The following FSD2 variants were observed in gnomAD, a reference collection of about 807,000 sequenced individuals.
The protein encoded by FSD2 is fibronectin type III and SPRY domain-containing protein 2.
Under a neutral mutation model 80.4 loss-of-function variants are expected in FSD2, and 71 were observed. The ratio of observed to expected loss-of-function variants is 0.88; its 90% CI spans 0.73 to 1.08. FSD2 has a LOEUF of 1.08. Ranked by LOEUF, FSD2 falls within the 50% of genes least tolerant of loss-of-function variation. The pLI, the probability that FSD2 is intolerant of heterozygous loss-of-function variation, is 0.00. For missense variants in FSD2, 923 were observed against 913.8 expected, an observed-to-expected ratio of 1.01 and a Z score of -0.13; for synonymous variants, 361 against 329.5, an observed-to-expected ratio of 1.10 and a Z score of -1.03.
At chr15:82,805,276 G>A (rs2050503348) in intron 1 of FSD2, among the ~76,000 whole-genome samples, 1 of 151,242 alleles carries the variant, frequency 6.6e-6, no homozygotes, top group Non-Finnish European at 1.5e-5. Flanking sequence ...CATATCTACT[G>A]AATCTACTGA....
In FSD2 at chr15:82,765,328, G is replaced by A. The variant is rs749241794; in HGVS notation, c.1688-30C>T. 12 of 1,611,940 alleles carry A rather than the reference G, an allele frequency of 7.4e-6. No homozygotes were observed. In the Admixed American group the frequency reaches 1.0e-4, roughly 13 times the overall value. On this transcript the variant is annotated intron_variant, in intron 10 of 12. Transcript: ENST00000334574. ...GGGAGGAGGAACACACAGAAGACCC[G>A]CAGCCAATCACTTGCTTTCTCCATG... is the stretch of plus-strand genomic sequence containing the variant.
chr15:82,775,523 A>G (rs2049695788), intron 6 of FSD2, among the ~76,000 whole-genome samples: 1 of 152,050 alleles, frequency 6.6e-6, no homozygotes, highest in African/African-American at 2.4e-5. Flanking sequence ...ACTACGTTGA[A>G]TTGGAGTGTT....
At chr15:82,782,097 AT>A (rs1488083965) in intron 4 of FSD2, among the ~76,000 whole-genome samples, 27 of 140,256 alleles carry the variant, frequency 1.9e-4, no homozygotes, top group African/African-American at 5.6e-4. Flanking sequence ...AATAATAATA[AT>A]AATAATAAAA....
intron 6 of FSD2, among the ~76,000 whole-genome samples, chr15:82,777,335 A>G (rs1405783745): frequency 6.6e-6 from 1 of 152,226 alleles, no homozygotes; most frequent in Non-Finnish European, 1.5e-5. Context: ...ATAAGAGACT[A>G]GTATACAAAA....
chr15:82,801,978 C>T (rs2050424127), intron 1 of FSD2, among the ~76,000 whole-genome samples: 1 of 152,142 alleles, frequency 6.6e-6, no homozygotes, highest in Non-Finnish European at 1.5e-5. Flanking sequence ...TTCCAGGCAC[C>T]AGGGCCAGTG....
chr15:82,787,412 A>T lies in FSD2; in HGVS notation c.-22T>A, dbSNP rs753894000. ...CCATTGTAACTCTGGAAGTCCTCAG[A>T]AGCACCTTTATATAAGAAAGATCCT... On this transcript the variant is annotated 5_prime_UTR_variant, in exon 2 of 13. Transcript: ENST00000334574. 1 of 1,569,050 alleles carries T rather than the reference A, an allele frequency of 6.4e-7. No homozygotes were observed. The highest frequency in any genetic ancestry group is 1.4e-5 in the African/African-American group (1 of 73,484).
chr15:82,791,085 G>A (rs970826161), intron 1 of FSD2, among the ~76,000 whole-genome samples: 4 of 150,902 alleles, frequency 2.7e-5, no homozygotes, highest in Non-Finnish European at 5.9e-5. Flanking sequence ...TGCAAGCTCC[G>A]CCTCCCGAGT....
At chr15:82,765,549 G>A (rs2049396282) in intron 10 of FSD2, among the ~76,000 whole-genome samples, 1 of 152,140 alleles carries the variant, frequency 6.6e-6, no homozygotes, top group East Asian at 1.9e-4. Context: ...AGGAAACAGA[G>A]GCACAAGGTG....
At position 82,756,171 on chromosome 15, in the gene FSD2, CT is replaced by C; in HGVS notation, c.*3176del. On this transcript the variant is annotated 3_prime_UTR_variant, in exon 13 of 13. Coordinates refer to ENST00000334574, the MANE Select transcript of FSD2 (RefSeq NM_001007122.4). ...ATAGTGAACATGTGAGAATCTTGCT[CT>C]ACTAATTGATAGGAAGGTGACTAGA... is the stretch of plus-strand genomic sequence containing the variant. The C allele has an allele frequency of 3.3e-6, 1 of 305,562 alleles. No homozygotes were observed. Among genetic ancestry groups the C allele is most frequent in the South Asian group, 3.2e-5 (1 of 30,988 alleles). The allele number at this position is 305,562 out of a possible 1,614,324, so 18.9% of individuals were successfully genotyped here. A position where few individuals can be genotyped will look rare whatever the true frequency, so the allele number is the denominator to read the frequency against.
At chr15:82,787,558 T>A (rs2050033084) in intron 1 of FSD2, 90 bp from the exon 2 acceptor site, 1 of 583,212 alleles carries the variant, frequency 1.7e-6, no homozygotes, top group Non-Finnish European at 2.8e-6. Flanking sequence ...TATAAAACTT[T>A]AAAAAAATTA....
Position 82,759,241 on chromosome 15 carries a change from A to T in FSD2, c.*107T>A. ...CAGTCAGATAATAGCATGAGCCATAAATTGTGCTGGGCACATGGTGCTTAA... is the reference window on the plus strand; with the variant it reads ...CAGTCAGATAATAGCATGAGCCATATATTGTGCTGGGCACATGGTGCTTAA... On this transcript the variant is annotated 3_prime_UTR_variant, in exon 13 of 13. Transcript: ENST00000334574. 8.2e-7 allele frequency: 1 copy of T among 1,223,284 alleles called. No individual in the cohort carries two copies. The highest frequency in any genetic ancestry group is 1.1e-6 in the Non-Finnish European group (1 of 891,134). The allele number at this position is 1,223,284 out of a possible 1,614,324, so 75.8% of individuals were successfully genotyped here.
chr15:82,760,302 C>G (rs1352430994), intron 12 of FSD2, among the ~76,000 whole-genome samples: 2 of 152,180 alleles, frequency 1.3e-5, no homozygotes, highest in Admixed American at 6.5e-5. Context: ...CACAGTTACT[C>G]CAGTTCTTAA....
chr15:82,762,247 C>A lies in FSD2; in HGVS notation c.1852G>T (p.Val618Phe), dbSNP rs1238989461. 6.2e-7 allele frequency: 1 copy of A among 1,613,928 alleles called. No individual in the cohort carries two copies. Among genetic ancestry groups the A allele is most frequent in the Admixed American group, 1.7e-5 (1 of 59,994 alleles). The change falls in exon 12 of 13, where the codon GTC becomes TTC. Residue 618 changes from valine to phenylalanine, a missense_variant. Val to Phe is a conservative substitution (Grantham distance 50). Transcript: ENST00000334574. ...CVAVMGNLIP[V>F]RGHHYWEVEV... is the part of the protein sequence containing the mutation. ...ACCTCCCAGTAATGGTGCCCTCGGACTGGAATTAGATTTCCCATGACAGCA... is the reference window on the plus strand; with the variant it reads ...ACCTCCCAGTAATGGTGCCCTCGGAATGGAATTAGATTTCCCATGACAGCA...
intron 5 of FSD2, among the ~76,000 whole-genome samples, chr15:82,779,686 T>G (rs573342717): frequency 4.6e-5 from 7 of 152,064 alleles, no homozygotes; most frequent in African/African-American, 1.7e-4. Context: ...AAAAAGAATT[T>G]GAAACCAGTT....
intron 1 of FSD2, among the ~76,000 whole-genome samples, chr15:82,797,035 A>C (rs996078055): frequency 3.5e-5 from 5 of 143,060 alleles, no homozygotes; most frequent in Admixed American, 7.1e-5. Flanking sequence ...AAAAAAAAAA[A>C]AAAAAACACC....
At chr15:82,797,493 A>T (rs899781594) in intron 1 of FSD2, among the ~76,000 whole-genome samples, 11 of 152,226 alleles carry the variant, frequency 7.2e-5, no homozygotes, top group African/African-American at 2.4e-4. Flanking sequence ...TCATTAAGAG[A>T]TGCATTTCCA....
intron 1 of FSD2, among the ~76,000 whole-genome samples, chr15:82,800,586 G>A (rs1241520510): frequency 6.6e-6 from 1 of 150,852 alleles, no homozygotes; most frequent in Non-Finnish European, 1.5e-5. Context: ...CAGCTACTCG[G>A]GAGGCTGAGG....
At chr15:82,801,981 G>C (rs2050424251) in intron 1 of FSD2, among the ~76,000 whole-genome samples, 1 of 152,074 alleles carries the variant, frequency 6.6e-6, no homozygotes, top group African/African-American at 2.4e-5. Flanking sequence ...CAGGCACCAG[G>C]GCCAGTGTTT....
chr15:82,771,516 G>T (rs1164784467), intron 7 of FSD2, among the ~76,000 whole-genome samples: 1 of 152,182 alleles, frequency 6.6e-6, no homozygotes, highest in Non-Finnish European at 1.5e-5. Context: ...TCCCATTTCC[G>T]GGGAAAAGGA....
Sources: gnomAD v4.1 joint callset for allele counts (sites outside exome capture counted in the v4.1 genomes callset) on GRCh38, gnomAD v4.1.1 for gene constraint, MANE v1.5 for transcripts, NCBI Gene and HGNC (gene_info 2026-07-23, HGNC 2026-07-21) for gene names.